The following USP24 variants were observed in gnomAD, a reference collection of about 807,000 sequenced individuals.
USP24 encodes the protein ubiquitin carboxyl-terminal hydrolase 24.
A neutral mutation model predicts 361.6 loss-of-function variants in USP24; 97 were observed. The ratio of observed to expected loss-of-function variants is 0.27; its 90% confidence interval spans 0.23 to 0.32. USP24 has a LOEUF of 0.32. Ranked by LOEUF, USP24 falls within the 10% of genes least tolerant of loss-of-function variation. The pLI is 1.00. For synonymous variants in USP24, 1,098 were observed against 1,124.6 expected (o/e 0.98, Z 0.47); for missense variants, 2,353 against 3,165.6 (o/e 0.74, Z 6.16).
intron 55 of USP24, among the ~76,000 whole-genome samples, chr1:55,088,768 G>T (rs1446696948): frequency 2.0e-5 from 3 of 152,216 alleles, no homozygotes; most frequent in Non-Finnish European, 4.4e-5. Context: ...CCAAGGACAA[G>T]AGAAGCTGAC....
Position 55,085,965 on chromosome 1 carries a change from T to C in USP24, c.6742A>G (p.Ser2248Gly). The change falls in exon 56 of 68, where the codon AGT becomes GGT. Residue 2248 changes from serine to glycine, a missense_variant. Physicochemically the swap from Ser to Gly is moderately conservative, Grantham distance 56 (BLOSUM62 0). Around this residue, in one of 8 missense-constraint regions of USP24, gnomAD observed 598 missense variants for 761.9 expected, o/e 0.78. Coordinates refer to ENST00000294383, the MANE Select transcript of USP24 (RefSeq NM_015306.3). ...VATILEKTLD[S>G]ALFYQDKLKS... Reference sequence around the variant, plus strand: ...ACCTTATCCTGATAAAACAAGGCACTGTCTAGGGTTTTCTCCAGAATGGTG... The same window carrying C: ...ACCTTATCCTGATAAAACAAGGCACCGTCTAGGGTTTTCTCCAGAATGGTG... The C allele has an allele frequency of 6.2e-7, 1 of 1,613,922 alleles. No individual in the cohort carries two copies. The highest frequency in any genetic ancestry group is 8.5e-7 in the Non-Finnish European group (1 of 1,179,802).
In USP24 at chr1:55,104,364, A is replaced by G. The variant is rs560970587; in HGVS notation, c.4881-344T>C. 2.0e-5 allele frequency among the ~76,000 whole-genome samples: 3 copies of G among 152,322 alleles called. No individual in the cohort carries two copies. The East Asian group carries it at 5.8e-4, about 29-fold the overall frequency. On this transcript the variant is annotated intron_variant, in intron 41 of 67. Transcript: ENST00000294383. ...TCTTTCAAATAAAATAGGTAAGTAG[A>G]AAGATTTTATCGCTGTCATCCTAAG...
At chr1:55,069,164 C>A in intron 67 of USP24, 57 bp from the exon 68 acceptor site, 2 of 1,573,428 alleles carry the variant, frequency 1.3e-6, no homozygotes, top group East Asian at 2.2e-5. Flanking sequence ...GTTTTCTATG[C>A]TGACTTGTGT....
At chr1:55,106,617 G>C (rs1328977621) in intron 40 of USP24, among the ~76,000 whole-genome samples, 1 of 152,144 alleles carries the variant, frequency 6.6e-6, no homozygotes, top group Non-Finnish European at 1.5e-5. Flanking sequence ...GTCCACATAA[G>C]GGTTTCTGAA....
At chr1:55,107,539 G>T in intron 39 of USP24, 109 bp from the exon 40 acceptor site, 1 of 1,288,132 alleles carries the variant, frequency 7.8e-7, no homozygotes, top group Non-Finnish European at 1.0e-6. Context: ...TCACTTTACA[G>T]ATCTTTAAAA....
intron 2 of USP24, among the ~76,000 whole-genome samples, chr1:55,176,755 A>T (rs911461956): frequency 2.0e-5 from 3 of 152,246 alleles, no homozygotes; most frequent in Non-Finnish European, 4.4e-5. Context: ...TGATCTGATT[A>T]AATAGCTAAT....
At chr1:55,160,455 G>A (rs149489863) in intron 8 of USP24, among the ~76,000 whole-genome samples, 63 of 152,280 alleles carry the variant, frequency 4.1e-4, no homozygotes, top group Admixed American at 7.8e-4. Context: ...TGCAACTCTT[G>A]AGACAGCTAT....
chr1:55,146,432 G>GT (rs1175593696), intron 19 of USP24, among the ~76,000 whole-genome samples: 1 of 152,182 alleles, frequency 6.6e-6, no homozygotes, highest in Non-Finnish European at 1.5e-5. Context: ...CTAGGAAGTA[G>GT]TTAATATTAT....
At chr1:55,095,779 A>G (rs1645483613) in intron 50 of USP24, among the ~76,000 whole-genome samples, 1 of 152,256 alleles carries the variant, frequency 6.6e-6, no homozygotes, top group African/African-American at 2.4e-5. Context: ...CATTTCTGCC[A>G]AGATCGGCCA....
chr1:55,150,040 T>C lies in USP24; in HGVS notation c.1861-1470A>G, dbSNP rs115740181. Reference sequence around the variant, plus strand: ...CCACTCAGCACTAAATGTCTCTCTGTCCTAAGCTGCACCTTATTTCAAGAG... The same window carrying C: ...CCACTCAGCACTAAATGTCTCTCTGCCCTAAGCTGCACCTTATTTCAAGAG... On this transcript the variant is annotated intron_variant, in intron 16 of 67. Transcript: ENST00000294383. Among the ~76,000 whole-genome samples, 667 of 152,284 alleles carry C rather than the reference T, an allele frequency of 4.4e-3. 5 individuals are homozygous for C. Among genetic ancestry groups the C allele is most frequent in the African/African-American group, 0.016 (651 of 41,560 alleles).
rs374287367 is a variant in USP24, at chr1:55,125,440, T to C, written c.3840A>G (p.Thr1280=). Residue 1280 remains threonine (T), a synonymous_variant, in exon 34 of 68, where the codon ACA becomes ACG. Coordinates refer to ENST00000294383, the MANE Select transcript of USP24 (RefSeq NM_015306.3). The part of the protein sequence containing the change: ...SRPFRNVSRQ[T]SRQMSLCGTP... ...TACCACATAAGGACATCTGTCTGCT[T>C]GTCTGCCGGCTGACATTTCGGAATG... The C allele has an allele frequency of 7.3e-5, 118 of 1,613,874 alleles. 2 individuals carry two copies. Among genetic ancestry groups the C allele is most frequent in the East Asian group, 4.7e-4 (21 of 44,882 alleles).
intron 38 of USP24, among the ~76,000 whole-genome samples, 157 bp downstream of exon 38, chr1:55,120,439 C>T (rs1177000350): frequency 6.6e-6 from 1 of 152,168 alleles, no homozygotes; most frequent in Non-Finnish European, 1.5e-5. Context: ...TCTTCTAACT[C>T]TCCTATCCAA....
intron 16 of USP24, among the ~76,000 whole-genome samples, chr1:55,152,931 T>C (rs1484192348): frequency 3.9e-5 from 6 of 152,168 alleles, no homozygotes; most frequent in Non-Finnish European, 8.8e-5. Context: ...GTTGGCAGTA[T>C]CCAAGATCCT....
At position 55,126,616 on chromosome 1, in the gene USP24, A is replaced by C. The variant is rs553529125; in HGVS notation, c.3636-858T>G. On this transcript the variant is annotated intron_variant, in intron 32 of 67. Coordinates refer to ENST00000294383, the MANE Select transcript of USP24 (RefSeq NM_015306.3). ...CCAAATGTTCAATGTCTTTATTTTG[A>C]CAGCCCTGTAAATGGCTGAGTGATG... is the stretch of plus-strand genomic sequence containing the variant. 7.2e-5 allele frequency among the ~76,000 whole-genome samples: 11 copies of C among 152,342 alleles called. No homozygotes were observed. The South Asian group carries it at 2.1e-3, about 29-fold the overall frequency.
At chr1:55,069,444 A>G (rs1644875472) in intron 67 of USP24, among the ~76,000 whole-genome samples, 1 of 152,220 alleles carries the variant, frequency 6.6e-6, no homozygotes, top group Non-Finnish European at 1.5e-5. Context: ...GCACTGTGTG[A>G]GCCTCCCTGC....
intron 39 of USP24, 75 bp from the exon 40 acceptor site, chr1:55,107,505 T>A: frequency 7.0e-7 from 1 of 1,424,022 alleles, no homozygotes; most frequent in Non-Finnish European, 9.2e-7. Context: ...TGAATTAAAG[T>A]AAGCAAAGTC....
Position 55,066,755 on chromosome 1 carries a change from A to C in USP24, c.*2290T>G, listed in dbSNP as rs935789620. On this transcript the variant is annotated 3_prime_UTR_variant, in exon 68 of 68. Coordinates refer to ENST00000294383, the MANE Select transcript of USP24 (RefSeq NM_015306.3). ...GGCCATCTTAAGATCGGCCTCACTA[A>C]GGGAGCTTCTTGAGAACACACAGCA... 7.2e-5 allele frequency: 11 copies of C among 152,236 alleles called. No homozygotes were observed. The highest frequency in any genetic ancestry group is 2.7e-4 in the African/African-American group (11 of 41,466). 9.4% of individuals were successfully genotyped at this position (152,236 alleles called of 1,614,324 possible).
At chr1:55,097,457 G>C in intron 48 of USP24, 141 bp downstream of exon 48, 3 of 1,282,722 alleles carry the variant, frequency 2.3e-6, no homozygotes, top group Non-Finnish European at 3.2e-6. Flanking sequence ...AACAGCAGCT[G>C]CCTAAGATAA....
At position 55,144,222 on chromosome 1, in the gene USP24, A is replaced by C; in HGVS notation, c.2363-19T>G. On this transcript the variant is annotated intron_variant, in intron 20 of 67. Transcript: ENST00000294383. ...TTAAAACCTGTAATTATAGAATGCC[A>C]AATAAATTCATGTACTCTACGTAAC... The C allele has an allele frequency of 6.6e-7, 1 of 1,508,268 alleles. No individual in the cohort carries two copies. Among genetic ancestry groups the C allele is most frequent in the Non-Finnish European group, 9.1e-7 (1 of 1,102,024 alleles). The allele number at this position is 1,508,268 out of a possible 1,614,324, so 93.4% of individuals were successfully genotyped here. A position where few individuals can be genotyped will look rare whatever the true frequency, so the allele number is the denominator to read the frequency against.
Sources: gnomAD v4.1 joint callset for allele counts (sites outside exome capture counted in the v4.1 genomes callset) on GRCh38, gnomAD v4.1.1 for gene constraint, gnomAD v4.1.1 regional missense constraint, MANE v1.5 for transcripts, NCBI Gene and HGNC (gene_info 2026-07-23, HGNC 2026-07-21) for gene names.